Variants in EXPH5 observed in about 807,000 individuals in gnomAD.
The protein encoded by EXPH5 is exophilin-5.
EXPH5 carries 42 observed loss-of-function variants against 41.1 expected under a neutral mutation model. The observed-to-expected ratio is 1.02, with a 90% CI of 0.80 to 1.32. EXPH5 has a LOEUF of 1.32. EXPH5 is among the 40% of genes most tolerant of loss of function. The pLI is 0.00. For synonymous variants in EXPH5, 798 were observed against 833.5 expected (o/e 0.96, Z 0.73); for missense variants, 2,298 against 2,314.5 (o/e 0.99, Z 0.15).
Position 108,512,238 on chromosome 11 carries a change from A to G in EXPH5, c.3269T>C (p.Leu1090Pro). The change falls in exon 6 of 6, where the codon CTG becomes CCG. Residue 1090 changes from leucine (L) to proline (P), a missense_variant. Leu to Pro is a moderately conservative substitution (Grantham distance 98). Transcript: ENST00000265843. ...ECSKVLSDSA[L>P]EAPEATERMT... is the part of the protein sequence containing the mutation. The stretch of plus-strand genomic sequence containing the variant: ...TCTCTCTGTGGCTTCAGGTGCTTCC[A>G]GGGCTGAGTCTGAAAGGACTTTGGA... 1 of 1,609,706 alleles carries G rather than the reference A, an allele frequency of 6.2e-7. No individual in the cohort carries two copies. The highest frequency in any genetic ancestry group is 8.5e-7 in the Non-Finnish European group (1 of 1,178,674).
intron 5 of EXPH5, among the ~76,000 whole-genome samples, chr11:108,515,246 A>T (rs1289080702): frequency 6.6e-6 from 1 of 152,210 alleles, no homozygotes; most frequent in Non-Finnish European, 1.5e-5. Flanking sequence ...TAATGCAGAC[A>T]TTGAATAACT....
intron 3 of EXPH5, among the ~76,000 whole-genome samples, chr11:108,534,699 T>C (rs1251211516): frequency 2.6e-5 from 4 of 152,194 alleles, no homozygotes; most frequent in African/African-American, 7.2e-5. Flanking sequence ...ACATCATGTG[T>C]CACCATAGTA....
At position 108,515,871 on chromosome 11, in the gene EXPH5, G is replaced by A. The variant is rs1565783983; in HGVS notation, c.632-996C>T. ...GCGGATCACGAGGTCAGGAGATTGA[G>A]ACCATCCTGGCTAACATGGTGAAAC... On this transcript the variant is annotated intron_variant, in intron 5 of 5. Transcript: ENST00000265843. Among the ~76,000 whole-genome samples the A allele has an allele frequency of 2.0e-5, 3 of 152,206 alleles. No homozygotes were observed. The South Asian group carries it at 6.2e-4, about 32-fold the overall frequency.
chr11:108,591,540 A>G (rs1361197459), intron 1 of EXPH5, among the ~76,000 whole-genome samples: 2 of 152,214 alleles, frequency 1.3e-5, no homozygotes, highest in Non-Finnish European at 2.9e-5. Flanking sequence ...TTTAATGGTG[A>G]TATTTTTCAA....
At chr11:108,554,425 G>A (rs1002769621) in intron 1 of EXPH5, among the ~76,000 whole-genome samples, 2 of 152,188 alleles carry the variant, frequency 1.3e-5, no homozygotes, top group African/African-American at 4.8e-5. Flanking sequence ...GTAAAGTGGG[G>A]ATAAGAGTAA....
At chr11:108,530,691 T>C (rs560979371) in intron 3 of EXPH5, among the ~76,000 whole-genome samples, 1 of 152,238 alleles carries the variant, frequency 6.6e-6, no homozygotes, top group South Asian at 2.1e-4. Context: ...CCTTCTGATT[T>C]GGAGTGATGG....
chr11:108,539,909 T>C (rs576282544), intron 2 of EXPH5, among the ~76,000 whole-genome samples: 21 of 152,184 alleles, frequency 1.4e-4, no homozygotes, highest in Non-Finnish European at 2.8e-4. Flanking sequence ...AAATTGGAAA[T>C]ACTTATAGTC....
intron 1 of EXPH5, among the ~76,000 whole-genome samples, chr11:108,581,505 G>T (rs1166774622): frequency 6.6e-6 from 1 of 151,852 alleles, no homozygotes; most frequent in Admixed American, 6.6e-5. Context: ...ATTATTATTT[G>T]CTAATTAAAA....
intron 4 of EXPH5, among the ~76,000 whole-genome samples, chr11:108,521,983 G>T (rs1404464519): frequency 6.6e-6 from 1 of 152,152 alleles, no homozygotes; most frequent in Non-Finnish European, 1.5e-5. Flanking sequence ...ACCCTCTCTA[G>T]ATTGGGAAGA....
chr11:108,519,370 C>G (rs2093749110), intron 4 of EXPH5, among the ~76,000 whole-genome samples: 1 of 152,078 alleles, frequency 6.6e-6, no homozygotes, highest in Admixed American at 6.5e-5. Flanking sequence ...CTCCATGGCT[C>G]CAATGGCTTG....
intron 1 of EXPH5, among the ~76,000 whole-genome samples, chr11:108,578,841 A>G (rs1051206264): frequency 1.3e-5 from 2 of 152,146 alleles, no homozygotes; most frequent in African/African-American, 2.4e-5. Flanking sequence ...TGATTTTTGT[A>G]TGGTGATTTT....
At chr11:108,573,091 A>G (rs2094066353) in intron 1 of EXPH5, among the ~76,000 whole-genome samples, 1 of 150,262 alleles carries the variant, frequency 6.7e-6, no homozygotes, top group South Asian at 2.1e-4. Context: ...AGAGAGAGAA[A>G]GGAAGGAAGG....
At chr11:108,584,175 T>C (rs115264411) in intron 1 of EXPH5, among the ~76,000 whole-genome samples, 1 of 152,204 alleles carries the variant, frequency 6.6e-6, no homozygotes, top group Admixed American at 6.5e-5. Flanking sequence ...GGTTGTTGTA[T>C]GTATAAATAA....
In EXPH5 at chr11:108,512,378, A is replaced by G. The variant is rs754626580; in HGVS notation, c.3129T>C (p.Ala1043=). 2 of 1,609,762 alleles carry G rather than the reference A, an allele frequency of 1.2e-6. No homozygotes were observed. The highest frequency in any genetic ancestry group is 1.7e-6 in the Non-Finnish European group (2 of 1,178,516). The change falls in exon 6 of 6, where the codon GCT becomes GCC. Residue 1043 remains alanine, a synonymous_variant. Coordinates refer to ENST00000265843, the MANE Select transcript of EXPH5 (RefSeq NM_015065.3). ...GRQSGSKIMA[A]SLRNGPPPFQ... ...AGGGAGGTGGCCCATTCCTCAATGAAGCAGCCATTATTTTACTTCCTGACT... is the reference window on the plus strand; with the variant it reads ...AGGGAGGTGGCCCATTCCTCAATGAGGCAGCCATTATTTTACTTCCTGACT...
intron 3 of EXPH5, 121 bp downstream of exon 3, chr11:108,538,903 C>G (rs903082072): frequency 1.1e-6 from 1 of 927,020 alleles, no homozygotes. Context: ...TTCCTTTGTT[C>G]TTAATACCAA....
chr11:108,606,425 C>T, the EXPH5 span, among the ~76,000 whole-genome samples: 1 of 152,212 alleles, frequency 6.6e-6, no homozygotes, highest in African/African-American at 2.4e-5. Flanking sequence ...AGCTTTACTT[C>T]CCTTACAAAG....
chr11:108,570,485 C>T (rs1462147240), intron 1 of EXPH5, among the ~76,000 whole-genome samples: 3 of 151,980 alleles, frequency 2.0e-5, no homozygotes, highest in African/African-American at 7.3e-5. Context: ...AAACTCCTGA[C>T]CTTAAGTGAT....
chr11:108,560,408 G>C (rs765977494), intron 1 of EXPH5, among the ~76,000 whole-genome samples: 1 of 152,226 alleles, frequency 6.6e-6, no homozygotes, highest in African/African-American at 2.4e-5. Flanking sequence ...ACAAAGATGA[G>C]TGTGGCATTG....
chr11:108,551,008 C>G (rs2093961897), intron 1 of EXPH5, among the ~76,000 whole-genome samples: 1 of 152,248 alleles, frequency 6.6e-6, no homozygotes, highest in East Asian at 1.9e-4. Context: ...ACCCTGTCTT[C>G]GGGTGAAATC....
Sources: gnomAD v4.1 joint callset for allele counts (sites outside exome capture counted in the v4.1 genomes callset) on GRCh38, gnomAD v4.1.1 for gene constraint, MANE v1.5 for transcripts, NCBI Gene and HGNC (gene_info 2026-07-23, HGNC 2026-07-21) for gene names.